The following CCDC122 variants were observed in gnomAD, a reference collection of about 807,000 sequenced individuals.
CCDC122 encodes coiled-coil domain-containing protein 122.
In CCDC122, 38 loss-of-function variants were observed where a neutral mutation model predicts 37.0. That is an observed-to-expected ratio of 1.03 (90% confidence interval 0.79 to 1.35). CCDC122 has a LOEUF of 1.35. Among genes scored for constraint, CCDC122 ranks in the 40% most tolerant of loss-of-function variants. The pLI is 0.00. For synonymous variants in CCDC122, 83 were observed against 95.6 expected, an observed-to-expected ratio of 0.87 and a Z score of 0.77; for missense variants, 305 against 310.0, an observed-to-expected ratio of 0.98 and a Z score of 0.12.
chr13:43,859,491 G>A (rs1463370875), intron 5 of CCDC122, among the ~76,000 whole-genome samples, 181 bp downstream of exon 5: 1 of 151,820 alleles, frequency 6.6e-6, no homozygotes, highest in African/African-American at 2.4e-5. Context: ...GAGCATCTAG[G>A]GTCGTTGTTA....
chr13:43,874,103 T>C (rs1477568299), intron 2 of CCDC122, among the ~76,000 whole-genome samples: 1 of 152,222 alleles, frequency 6.6e-6, no homozygotes, highest in South Asian at 2.1e-4. Flanking sequence ...TTTAGAAGAA[T>C]TGTTTCAGTA....
Position 43,869,410 on chromosome 13 carries a change from AT to A in CCDC122, c.-35del. 6.4e-7 allele frequency: 1 copy of A among 1,559,752 alleles called. No individual in the cohort carries two copies. On this transcript the variant is annotated 5_prime_UTR_variant, in exon 3 of 7. Coordinates refer to ENST00000444614, the MANE Select transcript of CCDC122 (RefSeq NM_144974.5). The stretch of plus-strand genomic sequence containing the variant: ...TCTGTAATCTCTTTTCCCCTTTTTG[AT>A]TTACCTTCTTTACTCCTACTCAATA...
rs1337530413 is a variant in CCDC122 at position 43,873,847 on chromosome 13, C to T, written c.-114+995G>A. On this transcript the variant is annotated intron_variant, in intron 2 of 6. Coordinates refer to ENST00000444614, the MANE Select transcript of CCDC122 (RefSeq NM_144974.5). ...TCTATTACCACCGACATCTCATACA[C>T]GTCTTTTCCATATCCTTCTACTAAT... 3.3e-5 allele frequency among the ~76,000 whole-genome samples: 5 copies of T among 152,304 alleles called. No individual in the cohort carries two copies. The South Asian group carries it at 6.2e-4, about 19-fold the overall frequency.
rs746911831 is a variant in CCDC122 at position 43,859,985 on chromosome 13, G to A, written c.242C>T (p.Ser81Phe). 1 of 1,590,598 alleles carries A rather than the reference G, an allele frequency of 6.3e-7. No homozygotes were observed. Among genetic ancestry groups the A allele is most frequent in the Non-Finnish European group, 8.6e-7 (1 of 1,168,670 alleles). Residue 81 changes from serine to phenylalanine, a missense_variant, in exon 5 of 7, where the codon TCT (serine) becomes TTT (phenylalanine). Transcript: ENST00000444614. ...ATGAAGTTTGGTATTCTCTATGGCAGAATCTTGTTGATAAATTTGTCTTTC... is the reference window on the plus strand; with the variant it reads ...ATGAAGTTTGGTATTCTCTATGGCAAAATCTTGTTGATAAATTTGTCTTTC... ...ETERQIYQQD[S>F]AIENTKLHCD...
At chr13:43,869,100 T>C (rs1476597766) in intron 3 of CCDC122, among the ~76,000 whole-genome samples, 1 of 152,048 alleles carries the variant, frequency 6.6e-6, no homozygotes, top group African/African-American at 2.4e-5. Context: ...ACTATAATTA[T>C]AGTGCTACCA....
intron 3 of CCDC122, among the ~76,000 whole-genome samples, chr13:43,827,758 C>T (rs903744614): frequency 6.6e-6 from 1 of 152,190 alleles, no homozygotes; most frequent in Non-Finnish European, 1.5e-5. Flanking sequence ...TCCTGGAACC[C>T]ATCCCTCGTT....
chr13:43,863,820 A>C (rs1385664660), intron 4 of CCDC122, among the ~76,000 whole-genome samples: 1 of 152,200 alleles, frequency 6.6e-6, no homozygotes, highest in Admixed American at 6.5e-5. Flanking sequence ...AGAATACCTT[A>C]GTTTGTTTTC....
chr13:43,877,292 A>AT (rs1234005312), intron 1 of CCDC122, among the ~76,000 whole-genome samples: 1 of 152,174 alleles, frequency 6.6e-6, no homozygotes, highest in Non-Finnish European at 1.5e-5. Flanking sequence ...AAGGTCTTGG[A>AT]TCTTCTCAAT....
At chr13:43,861,723 T>C (rs1268703999) in intron 4 of CCDC122, among the ~76,000 whole-genome samples, 1 of 152,222 alleles carries the variant, frequency 6.6e-6, no homozygotes, top group Non-Finnish European at 1.5e-5. Flanking sequence ...ATTTTTATCA[T>C]CAGCTCTGAT....
chr13:43,848,914 T>C (rs1267626620), intron 6 of CCDC122: 2 of 978,824 alleles, frequency 2.0e-6, no homozygotes, highest in East Asian at 2.3e-4. Context: ...AAAGAAGTAA[T>C]AAAAATCTTT....
chr13:43,829,392 G>A (rs189294888), intron 3 of CCDC122, among the ~76,000 whole-genome samples: 4 of 152,060 alleles, frequency 2.6e-5, no homozygotes, highest in African/African-American at 9.6e-5. Context: ...TGCAACCTCC[G>A]CCTCCCGGGC....
intron 6 of CCDC122, among the ~76,000 whole-genome samples, chr13:43,843,196 GAA>G (rs554368667): frequency 9.9e-5 from 15 of 152,058 alleles, no homozygotes; most frequent in Admixed American, 2.6e-4. Flanking sequence ...TCAAGTTGAT[GAA>G]GTTTCCTTCT....
Position 43,858,811 on chromosome 13 carries a change from C to CT in CCDC122, c.641dup (p.Thr215AspfsTer3). The CT allele has an allele frequency of 2.1e-6, 3 of 1,424,350 alleles. No homozygotes were observed. The highest frequency in any genetic ancestry group is 2.2e-5 in the Admixed American group (1 of 44,772). The allele number at this position is 1,424,350 out of a possible 1,614,324, so 88.2% of individuals were successfully genotyped here. On this transcript the variant is annotated frameshift_variant, in exon 6 of 7. Transcript: ENST00000444614. LOFTEE classifies it high-confidence loss of function. ...TTTCTTTTCTTAATTTTTCATGTGT[C>CT]TTTTTTTCTTCCTCAAGAAAACAAG...
downstream of CCDC122, among the ~76,000 whole-genome samples, chr13:43,822,319 G>C (rs182630605): frequency 9.5e-4 from 145 of 152,330 alleles, no homozygotes; most frequent in Non-Finnish European, 1.2e-3. Context: ...GTCTCTGTCT[G>C]CTGAGTTCCC....
intron 6 of CCDC122, chr13:43,849,035 C>T (rs772469229): frequency 3.2e-6 from 3 of 947,632 alleles, no homozygotes; most frequent in Non-Finnish European, 3.8e-6. Context: ...AAAAATGTAA[C>T]GTTTTAAGAA....
intron 1 of CCDC122, among the ~76,000 whole-genome samples, chr13:43,877,264 T>C (rs752270537): frequency 3.3e-5 from 5 of 152,140 alleles, no homozygotes; most frequent in Non-Finnish European, 5.9e-5. Context: ...TTCCAATCAG[T>C]AGACTACATG....
In CCDC122 at chr13:43,840,054, T is replaced by G. The variant is rs143768526; in HGVS notation, c.673-2625A>C. ...GAACACTCAGCAGTCTATGAGTGGT[T>G]GAAGTATGGCCGCTGGGATTGTCCA... On this transcript the variant is annotated intron_variant, in intron 6 of 6. Coordinates refer to ENST00000444614, the MANE Select transcript of CCDC122 (RefSeq NM_144974.5). Among the ~76,000 whole-genome samples the G allele has an allele frequency of 5.2e-4, 79 of 152,324 alleles. 1 individual carries two copies. In the East Asian group the frequency reaches 0.014, roughly 28 times the overall value.
At chr13:43,823,207 T>C (rs117358973), downstream of CCDC122, among the ~76,000 whole-genome samples, 2,113 of 152,190 alleles carry the variant, frequency 0.014, 13 homozygotes, top group Middle Eastern at 0.024. Flanking sequence ...GGTTTCATTC[T>C]GGCCCAGGGT....
chr13:43,878,572 G>A (rs1357819766), intron 1 of CCDC122, among the ~76,000 whole-genome samples: 1 of 152,074 alleles, frequency 6.6e-6, no homozygotes, highest in Non-Finnish European at 1.5e-5. Context: ...AAGATAAAAG[G>A]GACCTCTCCT....
Sources: allele counts gnomAD v4.1 joint callset (sites outside exome capture counted in the v4.1 genomes callset), GRCh38; gene constraint gnomAD v4.1.1; transcripts MANE v1.5; gene names NCBI Gene and HGNC (gene_info 2026-07-23, HGNC 2026-07-21).